The following CRYBG2 variants were observed in gnomAD, a reference collection of about 807,000 sequenced individuals.
The protein encoded by CRYBG2 is beta/gamma crystallin domain-containing protein 2.
Under a neutral mutation model 153.4 loss-of-function variants are expected in CRYBG2, and 106 were observed. The ratio of observed to expected loss-of-function variants is 0.69; its 90% CI spans 0.59 to 0.81. The LOEUF (loss-of-function observed/expected upper bound fraction) is 0.81, where lower values mean the gene tolerates loss of function less well. Ranked by LOEUF, CRYBG2 falls within the 30% of genes least tolerant of loss-of-function variation. The pLI, the probability that CRYBG2 is intolerant of heterozygous loss-of-function variation, is 0.00. For synonymous variants in CRYBG2, 851 were observed against 877.8 expected, an observed-to-expected ratio of 0.97 and a Z score of 0.54; for missense variants, 1,996 against 2,112.0, an observed-to-expected ratio of 0.95 and a Z score of 1.08.
At chr1:26,341,988 C>T (rs1043388180) in intron 5 of CRYBG2, among the ~76,000 whole-genome samples, 12 of 152,272 alleles carry the variant, frequency 7.9e-5, no homozygotes, top group Non-Finnish European at 1.6e-4. Flanking sequence ...CACAGCCTAG[C>T]TTGACTGTAA....
chr1:26,338,440 G>T lies in CRYBG2; in HGVS notation c.3382C>A (p.Pro1128Thr). ...LYPKPLFEDT[P>T]YILEPGEYPT... The stretch of plus-strand genomic sequence containing the variant: ...TACTCTCCAGGTTCCAGGATGTAGG[G>T]AGTGTCTTCGAATAATGGTTTGGGG... The change falls in exon 7 of 20, where the codon CCC (proline) becomes ACC (threonine). Residue 1128 changes from proline to threonine, a missense_variant. By Grantham distance (38) the Pro-to-Thr change is conservative. Coordinates refer to ENST00000308182, the MANE Select transcript of CRYBG2 (RefSeq NM_001039775.4). The T allele has an allele frequency of 6.2e-7, 1 of 1,613,194 alleles. No homozygotes were observed. The highest frequency in any genetic ancestry group is 1.1e-5 in the South Asian group (1 of 90,900).
Position 26,328,323 on chromosome 1 carries a change from T to G in CRYBG2, c.4464A>C (p.Leu1488=). The change falls in exon 17 of 20, where the codon CTA becomes CTC. Residue 1488 remains leucine, a synonymous_variant. Transcript: ENST00000308182. Reference sequence around the variant, plus strand: ...GGCCCCGGAAGTCACTGTGTTCACATAGCACCCAACTGGGCCCAGCAGGTG... The same window carrying G: ...GGCCCCGGAAGTCACTGTGTTCACAGAGCACCCAACTGGGCCCAGCAGGTG... ...SVRIKGGIWV[L]CEHSDFRGRQ... 1 of 1,570,864 alleles carries G rather than the reference T, an allele frequency of 6.4e-7. No individual in the cohort carries two copies. Among genetic ancestry groups the G allele is most frequent in the Non-Finnish European group, 8.6e-7 (1 of 1,157,390 alleles).
Position 26,346,502 on chromosome 1 carries a change from C to T in CRYBG2, c.156G>A (p.Lys52=). ...VSGAQMEAPQ[K]EMFEFSRREE... is the part of the protein sequence containing the mutation. The stretch of plus-strand genomic sequence containing the variant: ...CTCGACGGCTGAACTCAAACATCTC[C>T]TTCTGCGGGGCTTCCATCTGGGCCC... Residue 52 remains lysine (K), a synonymous_variant, in exon 2 of 20, where the codon AAG becomes AAA. Coordinates refer to ENST00000308182, the MANE Select transcript of CRYBG2 (RefSeq NM_001039775.4). This position sits in a 1 kb window ranked among gnomAD's most constrained non-coding sequence, Gnocchi z 4.9. The T allele has an allele frequency of 3.1e-6, 5 of 1,613,102 alleles. No individual in the cohort carries two copies. Among genetic ancestry groups the T allele is most frequent in the Non-Finnish European group, 3.4e-6 (4 of 1,179,854 alleles).
In CRYBG2 at chr1:26,338,330, T is replaced by C; in HGVS notation, c.3471+21A>G. The C allele has an allele frequency of 1.9e-6, 3 of 1,573,910 alleles. No homozygotes were observed. The South Asian group carries it at 3.5e-5, about 19-fold the overall frequency. The stretch of plus-strand genomic sequence containing the variant: ...GGCAGAGCCTAGACCTCCTGGCCTG[T>C]GGGTGTGCCCTGTTCTTTACCAATC... On this transcript the variant is annotated intron_variant, in intron 7 of 19. Coordinates refer to ENST00000308182, the MANE Select transcript of CRYBG2 (RefSeq NM_001039775.4).
rs1303673965 is a variant in CRYBG2, at chr1:26,336,580, C to A, written c.4038+26G>T. 6.5e-7 allele frequency: 1 copy of A among 1,544,496 alleles called. No individual in the cohort carries two copies. The highest frequency in any genetic ancestry group is 1.2e-5 in the South Asian group (1 of 83,636). Reference sequence around the variant, plus strand: ...ACTCCAGGTCCCGCCACCGGGGAGGCCCCGCCCCCCGCGGCCGGCACGCAC... The same window carrying A: ...ACTCCAGGTCCCGCCACCGGGGAGGACCCGCCCCCCGCGGCCGGCACGCAC... On this transcript the variant is annotated intron_variant, in intron 12 of 19. Transcript: ENST00000308182. This position sits in a 1 kb window ranked among gnomAD's most constrained non-coding sequence, Gnocchi z 4.9.
In CRYBG2 at chr1:26,344,343, C is replaced by T. The variant is rs775542940; in HGVS notation, c.2315G>A (p.Arg772Gln). ...ADLEIFLDTL[R>Q]SMEPPEILRT... The stretch of plus-strand genomic sequence containing the variant: ...GAGGATCTCAGGGGGCTCCATGCTC[C>T]GCAGCGTATCCAGGAATATCTCCAG... Residue 772 changes from arginine to glutamine, a missense_variant, in exon 2 of 20, where the codon CGG becomes CAG. Transcript: ENST00000308182. The T allele has an allele frequency of 6.9e-5, 103 of 1,503,554 alleles. No homozygotes were observed. The highest frequency in any genetic ancestry group is 8.5e-5 in the Non-Finnish European group (96 of 1,123,776). The allele number at this position is 1,503,554 out of a possible 1,614,324, so 93.1% of individuals were successfully genotyped here.
At position 26,337,665 on chromosome 1, in the gene CRYBG2, A is replaced by G; in HGVS notation, c.3517T>C (p.Tyr1173His). 1 of 1,611,628 alleles carries G rather than the reference A, an allele frequency of 6.2e-7. No individual in the cohort carries two copies. Among genetic ancestry groups the G allele is most frequent in the Non-Finnish European group, 8.5e-7 (1 of 1,179,850 alleles). The change falls in exon 9 of 20, where the codon TAT becomes CAT. Residue 1173 changes from tyrosine to histidine, a missense_variant. Coordinates refer to ENST00000308182, the MANE Select transcript of CRYBG2 (RefSeq NM_001039775.4). ...CGGCCCTGAAAGCCTGGGGCCTCAT[A>G]CACCACAGCCTGGGGGAAAGGGGCT... ...EKPGEPRAVV[Y>H]EAPGFQGRSW...
In CRYBG2 at chr1:26,336,959, C is replaced by T. The variant is rs771776325; in HGVS notation, c.3793G>A (p.Val1265Met). 2.2e-5 allele frequency: 35 copies of T among 1,613,460 alleles called. No individual in the cohort carries two copies. Among genetic ancestry groups the T allele is most frequent in the Middle Eastern group, 3.3e-4 (2 of 6,058 alleles). Residue 1265 changes from valine to methionine, a missense_variant, in exon 11 of 20, where the codon GTG becomes ATG. Transcript: ENST00000308182. This position sits in a 1 kb window ranked among gnomAD's most constrained non-coding sequence, Gnocchi z 4.9. ...TCGAAGTCCATGGCCTCAAATAGCA[C>T]GACGGCCGGGTCCCCGAAGTCCTGG... ...IRTDFGDPAV[V>M]LFEAMDFEGH...
At chr1:26,324,343 G>A (rs1395514398) in intron 17 of CRYBG2, 33 bp from the exon 18 acceptor site, 2 of 1,571,842 alleles carry the variant, frequency 1.3e-6, no homozygotes. Context: ...AGTCAGGGGT[G>A]CCGGGGAGGG....
intron 1 of CRYBG2, among the ~76,000 whole-genome samples, chr1:26,353,121 G>A (rs1449807606): frequency 6.6e-6 from 1 of 152,144 alleles, no homozygotes; most frequent in Admixed American, 6.5e-5. Context: ...AGAAACCTAA[G>A]TTCAGATTCT....
rs1216000256 is a variant in CRYBG2, at chr1:26,346,595, T to C, written c.63A>G (p.Thr21=). 5.7e-6 allele frequency: 9 copies of C among 1,589,738 alleles called. No individual in the cohort carries two copies. Among genetic ancestry groups the C allele is most frequent in the African/African-American group, 1.3e-5 (1 of 74,378 alleles). ...AKARVVSATL[T]WRQRPPTQEE... ...CCTGGGTGGGGGGCCGCTGCCGCCA[T>C]GTCAATGTGGCACTTACCACTCGGG... The change falls in exon 2 of 20, where the codon ACA becomes ACG. Residue 21 remains threonine (T), a synonymous_variant. Transcript: ENST00000308182. This position sits in a 1 kb window ranked among gnomAD's most constrained non-coding sequence, Gnocchi z 4.9.
chr1:26,343,835 G>A lies in CRYBG2; in HGVS notation c.2823C>T (p.Leu941=), dbSNP rs560857414. The change falls in exon 2 of 20, where the codon CTC becomes CTT. Residue 941 remains leucine, a synonymous_variant. Transcript: ENST00000308182. The surrounding 1 kb of genome is among the most constrained non-coding windows in gnomAD (Gnocchi z 4.1). ...GGGGCAACTGTCCTGGCACCTTCCT[G>A]AGCCCCGGTGCCCCATGGGGCAGCA... ...SALLPHGAPG[L]RKVPGQLPLL... The A allele has an allele frequency of 9.2e-4, 1,348 of 1,468,406 alleles. 6 individuals are homozygous for A. Among genetic ancestry groups the A allele is most frequent in the South Asian group, 5.9e-3 (420 of 71,216 alleles). 91.0% of individuals were successfully genotyped at this position (1,468,406 alleles called of 1,614,324 possible).
chr1:26,343,207 C>A lies in CRYBG2; in HGVS notation c.2961+39G>T. ...CTCAGGCCCTGACCCCAGGCCCCTG[C>A]ATCCTGCTGCCCCCACCCACTTGCC... On this transcript the variant is annotated intron_variant, in intron 3 of 19. Coordinates refer to ENST00000308182, the MANE Select transcript of CRYBG2 (RefSeq NM_001039775.4). The surrounding 1 kb of genome is among the most constrained non-coding windows in gnomAD (Gnocchi z 4.1). 1.9e-6 allele frequency: 3 copies of A among 1,550,668 alleles called. No homozygotes were observed. Among genetic ancestry groups the A allele is most frequent in the Non-Finnish European group, 2.6e-6 (3 of 1,147,018 alleles).
intron 5 of CRYBG2, 127 bp downstream of exon 5, chr1:26,342,627 G>T: frequency 7.1e-7 from 1 of 1,402,128 alleles, no homozygotes; most frequent in Non-Finnish European, 9.7e-7. Context: ...TCCAACTCCT[G>T]TCCTCAGCCG....
chr1:26,337,622 C>T lies in CRYBG2; in HGVS notation c.3560G>A (p.Arg1187Gln), dbSNP rs148914343. Residue 1187 changes from arginine to glutamine, a missense_variant, in exon 9 of 20, where the codon CGA becomes CAA. Arg to Gln is a conservative substitution (Grantham distance 43). Coordinates refer to ENST00000308182, the MANE Select transcript of CRYBG2 (RefSeq NM_001039775.4). The part of the protein sequence containing the change: ...GFQGRSWEVS[R>Q]DIYNLQQPED... Reference sequence around the variant, plus strand: ...TGGCTGCTGAAGGTTGTAGATGTCTCGGCTCACTTCCCAGCTGCGGCCCTG... The same window carrying T: ...TGGCTGCTGAAGGTTGTAGATGTCTTGGCTCACTTCCCAGCTGCGGCCCTG... 683 of 1,613,148 alleles carry T rather than the reference C, an allele frequency of 4.2e-4. 1 individual carries two copies. Among genetic ancestry groups the T allele is most frequent in the East Asian group, 3.7e-3 (164 of 44,858 alleles).
Position 26,343,660 on chromosome 1 carries a change from T to A in CRYBG2, c.2913+85A>T. On this transcript the variant is annotated intron_variant, in intron 2 of 19. Coordinates refer to ENST00000308182, the MANE Select transcript of CRYBG2 (RefSeq NM_001039775.4). The surrounding 1 kb of genome is among the most constrained non-coding windows in gnomAD (Gnocchi z 4.1). ...GAAGCCTCTGCCCCCAGACTCTGAC[T>A]CCCAGCACCACTCTCTTCACACCAC... 7.1e-7 allele frequency: 1 copy of A among 1,406,544 alleles called. No homozygotes were observed. The highest frequency in any genetic ancestry group is 1.6e-5 in the South Asian group (1 of 62,406). The allele number at this position is 1,406,544 out of a possible 1,614,324, so 87.1% of individuals were successfully genotyped here. A position where few individuals can be genotyped will look rare whatever the true frequency, so the allele number is the denominator to read the frequency against.
At position 26,328,861 on chromosome 1, in the gene CRYBG2, G is replaced by T. The variant is rs749104193; in HGVS notation, c.4327C>A (p.Pro1443Thr). 1.5e-5 allele frequency: 24 copies of T among 1,613,966 alleles called. No individual in the cohort carries two copies. The highest frequency in any genetic ancestry group is 1.3e-5 in the African/African-American group (1 of 74,894). The change falls in exon 16 of 20, where the codon CCT (proline) becomes ACT (threonine). Residue 1443 changes from proline to threonine, a missense_variant. By Grantham distance (38) the Pro-to-Thr change is conservative (BLOSUM62 -1). Coordinates refer to ENST00000308182, the MANE Select transcript of CRYBG2 (RefSeq NM_001039775.4). ...TCGAGTCCATACAGGAAAATGGAAG[G>T]CTCTGAAAAGTGCTGGGGCCCAGGA... is the stretch of plus-strand genomic sequence containing the variant. ...LQKVSLHFSE[P>T]SIFLYGLECF...
rs1444372301 is a variant in CRYBG2, at chr1:26,325,805, C to T, written c.4579-1495G>A. Among the ~76,000 whole-genome samples the T allele has an allele frequency of 6.6e-6, 1 of 152,162 alleles. No homozygotes were observed. Among genetic ancestry groups the T allele is most frequent in the Non-Finnish European group, 1.5e-5 (1 of 68,030 alleles). On this transcript the variant is annotated intron_variant, in intron 17 of 19. Coordinates refer to ENST00000308182, the MANE Select transcript of CRYBG2 (RefSeq NM_001039775.4). The surrounding 1 kb of genome is among the most constrained non-coding windows in gnomAD (Gnocchi z 4.1). ...ATACTGATGTTCAGACATGCAGGCACGGACATACAGAAACACATATGCAGG... is the reference window on the plus strand; with the variant it reads ...ATACTGATGTTCAGACATGCAGGCATGGACATACAGAAACACATATGCAGG...
Position 26,336,689 on chromosome 1 carries a change from C to T in CRYBG2, c.3955G>A (p.Val1319Met), listed in dbSNP as rs554034172. Residue 1319 changes from valine (V) to methionine (M), a missense_variant, in exon 12 of 20, where the codon GTG (valine) becomes ATG (methionine). Transcript: ENST00000308182. This position sits in a 1 kb window ranked among gnomAD's most constrained non-coding sequence, Gnocchi z 4.9. ...QEVGFSGEQY[V>M]LEKGVYRNCE... ...TTACGATACACGCCCTTCTCCAGCACGTACTGTTCCCCGGAGAAGCCCACC... is the reference window on the plus strand; with the variant it reads ...TTACGATACACGCCCTTCTCCAGCATGTACTGTTCCCCGGAGAAGCCCACC... 2 of 1,568,418 alleles carry T rather than the reference C, an allele frequency of 1.3e-6. No homozygotes were observed. Among genetic ancestry groups the T allele is most frequent in the East Asian group, 4.7e-5 (2 of 42,282 alleles).
Sources: allele counts gnomAD v4.1 joint callset (sites outside exome capture counted in the v4.1 genomes callset), GRCh38; gene constraint gnomAD v4.1.1; non-coding constraint Gnocchi (gnomAD v3.1); transcripts MANE v1.5; gene names NCBI Gene and HGNC (gene_info 2026-07-23, HGNC 2026-07-21).